Variants in GRID2 observed in about 807,000 individuals in gnomAD.
GRID2 encodes glutamate receptor ionotropic, delta-2.
Under a neutral mutation model 114.8 loss-of-function variants are expected in GRID2, and 33 were observed. The observed-to-expected ratio is 0.29, with a 90% CI of 0.22 to 0.38. The LOEUF (loss-of-function observed/expected upper bound fraction) is 0.38. GRID2 is among the 10% of genes least tolerant of loss of function. The probability of loss-of-function intolerance (pLI) is 1.00; values close to 1 mark genes in which losing one functional copy is unlikely to be tolerated. For missense variants in GRID2, 1,184 were observed against 1,257.7 expected (o/e 0.94, Z 0.89); for synonymous variants, 505 against 449.9 (o/e 1.12, Z -1.55).
At chr4:93,246,985 G>A (rs148350399) in intron 8 of GRID2, among the ~76,000 whole-genome samples, 1 of 152,156 alleles carries the variant, frequency 6.6e-6, no homozygotes, top group Non-Finnish European at 1.5e-5. Context: ...GTTACTCTGA[G>A]TTTCTGGAAG....
At chr4:93,596,133 C>G (rs1211555248) in intron 13 of GRID2, among the ~76,000 whole-genome samples, 3 of 152,146 alleles carry the variant, frequency 2.0e-5, no homozygotes, top group Non-Finnish European at 4.4e-5. Flanking sequence ...TTATCTAGTT[C>G]ACTATTGAGC....
At chr4:93,738,836 G>T (rs940720477) in intron 14 of GRID2, among the ~76,000 whole-genome samples, 2 of 152,048 alleles carry the variant, frequency 1.3e-5, no homozygotes, top group Non-Finnish European at 2.9e-5. Context: ...TTTAGAAAGA[G>T]AGTAGAAAAG....
intron 2 of GRID2, among the ~76,000 whole-genome samples, chr4:92,596,972 C>T (rs1728984884): frequency 6.6e-6 from 1 of 152,018 alleles, no homozygotes; most frequent in Non-Finnish European, 1.5e-5. Flanking sequence ...TCCCCTCTAC[C>T]TTTAACTTGA....
At chr4:92,442,817 A>C (rs1733186254) in intron 1 of GRID2, among the ~76,000 whole-genome samples, 1 of 152,192 alleles carries the variant, frequency 6.6e-6, no homozygotes, top group Non-Finnish European at 1.5e-5. Context: ...ATAAAGAAAA[A>C]GGAGCATTAA....
chr4:92,466,737 T>A (rs1371661703), intron 1 of GRID2, among the ~76,000 whole-genome samples: 1 of 151,668 alleles, frequency 6.6e-6, no homozygotes, highest in Admixed American at 6.6e-5. Context: ...ACTTTTAGAG[T>A]GGATTGGCAT....
intron 9 of GRID2, among the ~76,000 whole-genome samples, chr4:93,415,816 G>A (rs971063741): frequency 2.0e-5 from 3 of 151,808 alleles, no homozygotes; most frequent in African/African-American, 7.3e-5. Context: ...TAAAATATTT[G>A]TATTTAAATA....
chr4:93,051,121 T>C (rs1334349160), intron 2 of GRID2, among the ~76,000 whole-genome samples: 1 of 152,056 alleles, frequency 6.6e-6, no homozygotes, highest in African/African-American at 2.4e-5. Context: ...ATTTGGCATG[T>C]GTAATGACCA....
chr4:93,306,690 G>C (rs1031337265), intron 8 of GRID2, among the ~76,000 whole-genome samples: 5 of 152,096 alleles, frequency 3.3e-5, no homozygotes, highest in African/African-American at 1.2e-4. Context: ...AAATAATATA[G>C]AGAAGCAGAT....
intron 2 of GRID2, among the ~76,000 whole-genome samples, chr4:92,937,497 A>T (rs1750757271): frequency 6.8e-6 from 1 of 146,544 alleles, no homozygotes; most frequent in Admixed American, 7.4e-5. Flanking sequence ...CCAGTTGACC[A>T]TAGGCCCCTG....
intron 2 of GRID2, among the ~76,000 whole-genome samples, chr4:93,019,577 AAAT>A (rs1273719993): frequency 1.7e-4 from 26 of 152,260 alleles, no homozygotes; most frequent in African/African-American, 6.3e-4. Flanking sequence ...GTAGCCTTAA[AAAT>A]AATAAAAAAG....
chr4:93,665,268 A>T (rs1056185615), intron 14 of GRID2, among the ~76,000 whole-genome samples: 2 of 152,164 alleles, frequency 1.3e-5, no homozygotes, highest in Admixed American at 1.3e-4. Flanking sequence ...TCTTGGCTTT[A>T]TTCCTTTGCA....
At chr4:92,349,146 A>G (rs958256263) in intron 1 of GRID2, among the ~76,000 whole-genome samples, 5 of 152,072 alleles carry the variant, frequency 3.3e-5, no homozygotes, top group Admixed American at 1.3e-4. Flanking sequence ...CTACACACCA[A>G]GCTTTAATCT....
At chr4:93,784,925 A>G (rs922652154) in intron 1 of GRID2, among the ~76,000 whole-genome samples, 1 of 152,254 alleles carries the variant, frequency 6.6e-6, no homozygotes, top group Admixed American at 6.5e-5. Flanking sequence ...TTGAAAATTC[A>G]GAGAACAGAA....
intron 1 of GRID2, among the ~76,000 whole-genome samples, chr4:92,331,924 T>C (rs1726909867): frequency 6.6e-6 from 1 of 152,170 alleles, no homozygotes; most frequent in Non-Finnish European, 1.5e-5. Context: ...TATCTACAGA[T>C]ATTGCTGCAC....
At chr4:92,654,806 T>C (rs1450396483) in intron 2 of GRID2, among the ~76,000 whole-genome samples, 1 of 152,066 alleles carries the variant, frequency 6.6e-6, no homozygotes, top group Non-Finnish European at 1.5e-5. Flanking sequence ...GTTAGTCCCT[T>C]GTCAGATGAA....
intron 1 of GRID2, among the ~76,000 whole-genome samples, chr4:92,363,621 A>C (rs190502305): frequency 5.6e-4 from 85 of 152,076 alleles, no homozygotes; most frequent in African/African-American, 1.9e-3. Flanking sequence ...ATCTTTGAAT[A>C]TGCTATTTTT....
At chr4:93,180,121 C>T (rs2149434335) in intron 4 of GRID2, among the ~76,000 whole-genome samples, 1 of 152,174 alleles carries the variant, frequency 6.6e-6, no homozygotes, top group Middle Eastern at 3.4e-3. Flanking sequence ...GGATGCTATA[C>T]TTGCCCCCAC....
rs190035463 is a variant in GRID2, at chr4:92,331,634, C to T, written c.88+26890C>T. 2.2e-3 allele frequency among the ~76,000 whole-genome samples: 341 copies of T among 152,228 alleles called. 1 individual carries two copies. The highest frequency in any genetic ancestry group is 3.4e-3 in the Middle Eastern group (1 of 294). On this transcript the variant is annotated intron_variant, in intron 1 of 15. Transcript: ENST00000282020. ...AACTGGAATGACTCAATAGCTGACACAATTTATATAAAAAACAGTCAAATT... is the reference window on the plus strand; with the variant it reads ...AACTGGAATGACTCAATAGCTGACATAATTTATATAAAAAACAGTCAAATT...
chr4:92,629,286 A>C (rs1307193092), intron 2 of GRID2, among the ~76,000 whole-genome samples: 2 of 152,098 alleles, frequency 1.3e-5, no homozygotes, highest in East Asian at 3.9e-4. Flanking sequence ...GAGTCTGAGA[A>C]TCTTAATAAG....
Sources: gnomAD v4.1 joint callset for allele counts (sites outside exome capture counted in the v4.1 genomes callset) on GRCh38, gnomAD v4.1.1 for gene constraint, MANE v1.5 for transcripts, NCBI Gene and HGNC (gene_info 2026-07-23, HGNC 2026-07-21) for gene names.